Variants in KIAA1549L observed in about 807,000 individuals in gnomAD.
KIAA1549L encodes KIAA1549 like.
KIAA1549L carries 88 observed loss-of-function variants against 160.7 expected under a neutral mutation model. That is an observed-to-expected ratio of 0.55 (90% CI 0.46 to 0.65). The LOEUF is 0.65. KIAA1549L is among the 30% of genes least tolerant of loss of function. KIAA1549L has a pLI of 0.00. For missense variants in KIAA1549L, 2,258 were observed against 2,437.5 expected, an observed-to-expected ratio of 0.93 and a Z score of 1.55; for synonymous variants, 950 against 976.7, an observed-to-expected ratio of 0.97 and a Z score of 0.51.
At chr11:33,527,624 AC>A (rs1403176494) in intron 1 of KIAA1549L, among the ~76,000 whole-genome samples, 14 of 152,254 alleles carry the variant, frequency 9.2e-5, no homozygotes, top group African/African-American at 3.4e-4. Flanking sequence ...GCACAGCAAA[AC>A]AAATAATCAG....
At chr11:33,407,087 T>TCA (rs1850674779) in intron 1 of KIAA1549L, among the ~76,000 whole-genome samples, 5 of 139,738 alleles carry the variant, frequency 3.6e-5, no homozygotes, top group African/African-American at 1.3e-4. Context: ...TTTCATTTTT[T>TCA]TTTTTTTTTT....
intron 1 of KIAA1549L, among the ~76,000 whole-genome samples, chr11:33,388,030 T>C (rs1850206526): frequency 1.3e-5 from 2 of 152,154 alleles, no homozygotes; most frequent in South Asian, 4.1e-4. Flanking sequence ...ATGAAAGTAA[T>C]ATATATTTTA....
At chr11:33,584,386 C>T (rs6484659) in intron 11 of KIAA1549L, among the ~76,000 whole-genome samples, 11,545 of 152,224 alleles carry the variant, frequency 0.076, 1,490 homozygotes, top group African/African-American at 0.26. Context: ...GGCCAGAAAA[C>T]CCCCGTTCAG....
intron 1 of KIAA1549L, among the ~76,000 whole-genome samples, chr11:33,392,854 C>T (rs1850297279): frequency 6.6e-6 from 1 of 152,180 alleles, no homozygotes; most frequent in African/African-American, 2.4e-5. Flanking sequence ...GTGTGAGCCA[C>T]TGGGCCTAGC....
intron 10 of KIAA1549L, among the ~76,000 whole-genome samples, chr11:33,577,317 G>T (rs908694000): frequency 2.0e-5 from 3 of 152,178 alleles, no homozygotes; most frequent in Admixed American, 6.5e-5. Context: ...TGAGGCAGTT[G>T]CTGGAGGGGC....
intron 1 of KIAA1549L, among the ~76,000 whole-genome samples, chr11:33,390,249 G>A (rs1449350666): frequency 6.6e-6 from 1 of 152,210 alleles, no homozygotes; most frequent in Non-Finnish European, 1.5e-5. Context: ...TCTGCTTCAT[G>A]ATATTGCCCT....
intron 15 of KIAA1549L, among the ~76,000 whole-genome samples, chr11:33,615,247 G>A (rs991656297): frequency 5.3e-5 from 8 of 152,048 alleles, no homozygotes; most frequent in African/African-American, 1.7e-4. Context: ...GCCTCCTCCC[G>A]CTCCTCAGTC....
Position 33,435,796 on chromosome 11 carries a change from A to ATGTGTGTGTGTGTGTG in KIAA1549L, c.238+58908_238+58909insGTGTGTGTGTGTGTGT, listed in dbSNP as rs1394942738. The stretch of plus-strand genomic sequence containing the variant: ...TATATATATATATATATATATATAT[A>ATGTGTGTGTGTGTGTG]TATATATATATATATGTGTGTGTAT... On this transcript the variant is annotated intron_variant, in intron 1 of 20. Transcript: ENST00000658780. Among the ~76,000 whole-genome samples the ATGTGTGTGTGTGTGTG allele has an allele frequency of 2.6e-3, 89 of 34,650 alleles. 7 individuals carry two copies. Among genetic ancestry groups the ATGTGTGTGTGTGTGTG allele is most frequent in the African/African-American group, 7.0e-3 (40 of 5,684 alleles). 22.7% of individuals were successfully genotyped at this position (34,650 alleles called of 152,430 possible). A position where few individuals can be genotyped will look rare whatever the true frequency, so the allele number is the denominator to read the frequency against.
intron 1 of KIAA1549L, among the ~76,000 whole-genome samples, chr11:33,411,314 A>G (rs1400805797): frequency 6.6e-6 from 1 of 152,200 alleles, no homozygotes; most frequent in African/African-American, 2.4e-5. Context: ...TCCTGGCTGC[A>G]CATGAGACCC....
chr11:33,396,700 C>T (rs1850381425), intron 1 of KIAA1549L, among the ~76,000 whole-genome samples: 1 of 151,730 alleles, frequency 6.6e-6, no homozygotes, highest in Non-Finnish European at 1.5e-5. Context: ...GTCATGGTAG[C>T]TAGCACTTTG....
chr11:33,457,142 T>A (rs1396129964), intron 1 of KIAA1549L, among the ~76,000 whole-genome samples: 1 of 147,956 alleles, frequency 6.8e-6, no homozygotes, highest in Non-Finnish European at 1.5e-5. Flanking sequence ...GCTTTTCATT[T>A]TTCAGGGTAG....
chr11:33,505,419 A>G (rs892631665), intron 1 of KIAA1549L, among the ~76,000 whole-genome samples: 2 of 152,230 alleles, frequency 1.3e-5, no homozygotes, highest in Non-Finnish European at 2.9e-5. Context: ...CCAGCTCAAC[A>G]TTCTGCTGCC....
At position 33,668,164 on chromosome 11, in the gene KIAA1549L, C is replaced by T; in HGVS notation, c.*10C>T. 6.2e-7 allele frequency: 1 copy of T among 1,608,506 alleles called. No individual in the cohort carries two copies. Among genetic ancestry groups the T allele is most frequent in the Non-Finnish European group, 8.5e-7 (1 of 1,176,946 alleles). Reference sequence around the variant, plus strand: ...TGAGTTCCAGGTCTAACGCCTTAGCCCCGTGGGACTCTGGACTTCCAAACT... The same window carrying T: ...TGAGTTCCAGGTCTAACGCCTTAGCTCCGTGGGACTCTGGACTTCCAAACT... On this transcript the variant is annotated 3_prime_UTR_variant, in exon 21 of 21. Transcript: ENST00000658780.
chr11:33,416,895 C>G (rs958377623), intron 1 of KIAA1549L, among the ~76,000 whole-genome samples: 3 of 152,152 alleles, frequency 2.0e-5, no homozygotes, highest in Non-Finnish European at 4.4e-5. Flanking sequence ...AAATTCAGAG[C>G]CTTCTATTCA....
At chr11:33,631,580 C>T (rs1399115742) in intron 16 of KIAA1549L, among the ~76,000 whole-genome samples, 1 of 152,170 alleles carries the variant, frequency 6.6e-6, no homozygotes, top group Non-Finnish European at 1.5e-5. Flanking sequence ...AATACGTCTC[C>T]AGGCATTGCA....
chr11:33,504,722 T>TC (rs986685673), intron 1 of KIAA1549L, among the ~76,000 whole-genome samples: 3 of 151,950 alleles, frequency 2.0e-5, no homozygotes, highest in African/African-American at 7.2e-5. Flanking sequence ...CCTGCCTTGG[T>TC]CCCCCAAAGT....
intron 16 of KIAA1549L, among the ~76,000 whole-genome samples, chr11:33,630,344 C>G (rs1853651474): frequency 6.6e-6 from 1 of 152,044 alleles, no homozygotes; most frequent in Admixed American, 6.5e-5. Flanking sequence ...TTTACCTAAG[C>G]AAGCCTGGGC....
At chr11:33,552,041 C>T in intron 5 of KIAA1549L, 67 bp from the exon 6 acceptor site, 5 of 1,559,442 alleles carry the variant, frequency 3.2e-6, no homozygotes, top group Non-Finnish European at 4.4e-6. Context: ...ATATTATGAC[C>T]ACTGTTAAAT....
chr11:33,630,030 G>C lies in KIAA1549L; in HGVS notation c.5409+11368G>C, dbSNP rs150279491. ...AGACAGGACGCTCAGCTGCAGGTCTGTTGGAGTACTGGACCGTGTGAGGTG... is the reference window on the plus strand; with the variant it reads ...AGACAGGACGCTCAGCTGCAGGTCTCTTGGAGTACTGGACCGTGTGAGGTG... On this transcript the variant is annotated intron_variant, in intron 16 of 20. Coordinates refer to ENST00000658780, the MANE Select transcript of KIAA1549L (RefSeq NM_012194.3). Among the ~76,000 whole-genome samples, 1,819 of 152,170 alleles carry C rather than the reference G, an allele frequency of 0.012. 144 individuals are homozygous for C. In the East Asian group the frequency reaches 0.19, roughly 16 times the overall value.
Sources: gnomAD v4.1 joint callset for allele counts (sites outside exome capture counted in the v4.1 genomes callset) on GRCh38, gnomAD v4.1.1 for gene constraint, MANE v1.5 for transcripts, NCBI Gene and HGNC (gene_info 2026-07-23, HGNC 2026-07-21) for gene names.